The following RMDN2 variants were observed in gnomAD, a reference collection of about 807,000 sequenced individuals.
The protein encoded by RMDN2 is regulator of microtubule dynamics 2, also known as regulator of microtubule dynamics protein 2.
Under a neutral mutation model 52.8 loss-of-function variants are expected in RMDN2, and 61 were observed. That is an observed-to-expected ratio of 1.16 (90% CI 0.94 to 1.43). The LOEUF (loss-of-function observed/expected upper bound fraction) is 1.43. RMDN2 is among the 40% of genes most tolerant of loss of function. RMDN2 has a pLI of 0.00. For missense variants in RMDN2, 592 were observed against 475.3 expected, an observed-to-expected ratio of 1.25 and a Z score of -2.28; for synonymous variants, 180 against 153.1, an observed-to-expected ratio of 1.18 and a Z score of -1.30.
At chr2:38,051,663 C>G (rs996467723) in intron 10 of RMDN2, among the ~76,000 whole-genome samples, 1 of 152,130 alleles carries the variant, frequency 6.6e-6, no homozygotes, top group Admixed American at 6.6e-5. Flanking sequence ...ATTAACCAAC[C>G]TCTCTTCATC....
chr2:38,024,005 A>G (rs1021810687), intron 10 of RMDN2, among the ~76,000 whole-genome samples: 2 of 151,902 alleles, frequency 1.3e-5, no homozygotes, highest in African/African-American at 2.4e-5. Flanking sequence ...TATACATTAC[A>G]TTTTCTAGTA....
At chr2:38,040,190 C>T (rs1393420430) in intron 10 of RMDN2, among the ~76,000 whole-genome samples, 1 of 151,798 alleles carries the variant, frequency 6.6e-6, no homozygotes, top group Admixed American at 6.6e-5. Context: ...ATTTGTGTGT[C>T]TATTTCTAAA....
At chr2:37,971,220 C>G (rs1345009478) in intron 2 of RMDN2, among the ~76,000 whole-genome samples, 1 of 151,990 alleles carries the variant, frequency 6.6e-6, no homozygotes, top group Non-Finnish European at 1.5e-5. Flanking sequence ...ATAGTTCTAG[C>G]TCTTACACTT....
At chr2:38,021,026 C>T (rs1050998843), downstream of RMDN2, among the ~76,000 whole-genome samples, 1 of 152,210 alleles carries the variant, frequency 6.6e-6, no homozygotes, top group African/African-American at 2.4e-5. Context: ...ATTGTAAATA[C>T]ACCAATCAGC....
intron 10 of RMDN2, among the ~76,000 whole-genome samples, chr2:38,006,077 C>T (rs1419339879): frequency 6.6e-6 from 1 of 152,132 alleles, no homozygotes. Flanking sequence ...TGTTTTGGTA[C>T]CAGTACCATG....
At chr2:37,981,444 C>A in intron 5 of RMDN2, 101 bp downstream of exon 5, 1 of 740,004 alleles carries the variant, frequency 1.4e-6, no homozygotes, top group Non-Finnish European at 2.4e-6. Context: ...TTTAATCTGT[C>A]AGTCACATTC....
At chr2:37,942,452 A>G (rs1258365982) in intron 2 of RMDN2, among the ~76,000 whole-genome samples, 3 of 152,180 alleles carry the variant, frequency 2.0e-5, no homozygotes, top group Admixed American at 2.0e-4. Flanking sequence ...TTGAAAGTAT[A>G]CATTTGAAGT....
At chr2:37,957,438 G>C (rs1278305184) in intron 2 of RMDN2, among the ~76,000 whole-genome samples, 2 of 151,060 alleles carry the variant, frequency 1.3e-5, no homozygotes, top group African/African-American at 2.4e-5. Context: ...ATGTTTGTTG[G>C]CTGCTTTTAA....
intron 5 of RMDN2, among the ~76,000 whole-genome samples, chr2:37,983,939 A>G (rs1673654552): frequency 6.6e-6 from 1 of 152,200 alleles, no homozygotes; most frequent in South Asian, 2.1e-4. Context: ...ATTTTTGCAC[A>G]GCAGCAGAGT....
intron 10 of RMDN2, among the ~76,000 whole-genome samples, chr2:38,033,615 G>T (rs750553541): frequency 1.3e-5 from 2 of 152,102 alleles, no homozygotes; most frequent in Non-Finnish European, 2.9e-5. Flanking sequence ...TTCATTCTCC[G>T]CATAGATTAA....
chr2:38,065,218 G>A (rs538635917), intron 10 of RMDN2, among the ~76,000 whole-genome samples: 1 of 152,218 alleles, frequency 6.6e-6, no homozygotes, highest in East Asian at 1.9e-4. Context: ...GCAACAGGAT[G>A]AGATATGTAC....
At chr2:38,012,129 C>T (rs1419198950) in intron 10 of RMDN2, among the ~76,000 whole-genome samples, 2 of 152,166 alleles carry the variant, frequency 1.3e-5, no homozygotes, top group Non-Finnish European at 2.9e-5. Context: ...ACCCAGCCTG[C>T]CCTTCACCCT....
chr2:37,929,077 T>G (rs1405651354), intron 1 of RMDN2, 185 bp from the exon 2 acceptor site: 1 of 470,330 alleles, frequency 2.1e-6, no homozygotes, highest in African/African-American at 2.0e-5. Context: ...TAATTCTTCA[T>G]TGTAATCTAA....
chr2:37,991,859 C>T lies in RMDN2; in HGVS notation c.945+562C>T, dbSNP rs138653835. On this transcript the variant is annotated intron_variant, in intron 7 of 10. Coordinates refer to ENST00000354545, the MANE Select transcript of RMDN2 (RefSeq NM_001170791.3). ...ATAGCTCAAATAAAAGCAGCTGGTC[C>T]GTGTCTTAAATGACACTATTAGTTT... 3.0e-4 allele frequency among the ~76,000 whole-genome samples: 45 copies of T among 152,250 alleles called. No individual in the cohort carries two copies. The East Asian group carries it at 8.1e-3, about 27-fold the overall frequency.
rs542596281 is a variant in RMDN2, at chr2:37,960,647, G to A, written c.453-13393G>A. Among the ~76,000 whole-genome samples the A allele has an allele frequency of 2.6e-5, 4 of 152,090 alleles. No individual in the cohort carries two copies. The East Asian group carries it at 7.7e-4, about 29-fold the overall frequency. ...GGGAATTTAGTCAATTTACATTTAA[G>A]GTTAATATGTGTCTTTTAGTTGGGG... On this transcript the variant is annotated intron_variant, in intron 2 of 10. Transcript: ENST00000354545.
chr2:37,952,320 C>A, intron 2 of RMDN2: 1 of 937,990 alleles, frequency 1.1e-6, no homozygotes, highest in Non-Finnish European at 1.6e-6. Context: ...AGCTTCACTG[C>A]ATTTTCTGAA....
At chr2:37,985,187 A>C (rs1484853706) in intron 5 of RMDN2, among the ~76,000 whole-genome samples, 1 of 152,132 alleles carries the variant, frequency 6.6e-6, no homozygotes. Context: ...AAAAGCCTAG[A>C]GATATCCATA....
intron 2 of RMDN2, among the ~76,000 whole-genome samples, chr2:37,933,013 C>A (rs1666952639): frequency 6.6e-6 from 1 of 151,484 alleles, no homozygotes; most frequent in South Asian, 2.1e-4. Flanking sequence ...CTCCTCACTT[C>A]TCAGACGGGG....
At chr2:38,012,417 T>TA (rs1276095564) in intron 10 of RMDN2, among the ~76,000 whole-genome samples, 1 of 152,188 alleles carries the variant, frequency 6.6e-6, no homozygotes, top group Non-Finnish European at 1.5e-5. Context: ...TAGCATATAA[T>TA]AAGCACTCAG....
Sources: gnomAD v4.1 joint callset for allele counts (sites outside exome capture counted in the v4.1 genomes callset) on GRCh38, gnomAD v4.1.1 for gene constraint, MANE v1.5 for transcripts, NCBI Gene and HGNC (gene_info 2026-07-23, HGNC 2026-07-21) for gene names.